Variants in PCDH15 observed in about 807,000 individuals in gnomAD.
PCDH15 encodes the protein protocadherin related 15.
A neutral mutation model predicts 178.5 loss-of-function variants in PCDH15; 129 were observed. That is an observed-to-expected ratio of 0.72 (90% CI 0.63 to 0.84). The LOEUF is 0.84. Ranked by LOEUF, PCDH15 falls within the 40% of genes least tolerant of loss-of-function variation. PCDH15 has a pLI of 0.00. For missense variants in PCDH15, 2,230 were observed against 2,099.9 expected (o/e 1.06, Z -1.21); for synonymous variants, 800 against 732.0 (o/e 1.09, Z -1.50).
intron 2 of PCDH15, among the ~76,000 whole-genome samples, chr10:54,952,117 C>T (rs571873766): frequency 1.4e-4 from 22 of 151,754 alleles, no homozygotes; most frequent in African/African-American, 5.3e-4. Flanking sequence ...ATTGTAAAAC[C>T]CATGGTCATC....
intron 21 of PCDH15, among the ~76,000 whole-genome samples, chr10:53,989,904 G>C (rs1355554932): frequency 6.6e-6 from 1 of 152,110 alleles, no homozygotes; most frequent in Non-Finnish European, 1.5e-5. Context: ...TATCTGGAAG[G>C]AAAAATACAA....
chr10:54,803,103 C>G (rs1952715675), upstream of PCDH15, among the ~76,000 whole-genome samples: 1 of 152,138 alleles, frequency 6.6e-6, no homozygotes, highest in African/African-American at 2.4e-5. Flanking sequence ...ATATTTACTA[C>G]TAGAGATGAT....
chr10:55,275,850 G>A (rs1268387561), intron 1 of PCDH15, among the ~76,000 whole-genome samples: 1 of 151,110 alleles, frequency 6.6e-6, no homozygotes, highest in Non-Finnish European at 1.5e-5. Context: ...ATCAATTTAA[G>A]GCAAGTTGAT....
At chr10:54,723,709 T>TAAAC (rs139874769) in intron 1 of PCDH15, among the ~76,000 whole-genome samples, 18,438 of 150,984 alleles carry the variant, frequency 0.12, 1,241 homozygotes, top group African/African-American at 0.17. Context: ...AGAAAAAAAA[T>TAAAC]AATTCCACTG....
chr10:55,204,383 C>T (rs1840337754), intron 1 of PCDH15, among the ~76,000 whole-genome samples: 1 of 151,148 alleles, frequency 6.6e-6, no homozygotes, highest in African/African-American at 2.4e-5. Context: ...TGTATATATA[C>T]ATATAATGCA....
chr10:55,230,429 T>C (rs906975712), intron 1 of PCDH15, among the ~76,000 whole-genome samples: 1 of 152,088 alleles, frequency 6.6e-6, no homozygotes, highest in Non-Finnish European at 1.5e-5. Context: ...TTAAGTAATA[T>C]TTACTCAGTG....
Position 55,626,492 on chromosome 10 carries a change from C to T in PCDH15, c.-156+1133G>A, listed in dbSNP as rs542370859. 5.9e-5 allele frequency among the ~76,000 whole-genome samples: 9 copies of T among 152,306 alleles called. No homozygotes were observed. The South Asian group carries it at 1.4e-3, about 25-fold the overall frequency. ...AATACTAACGGGTTCATTTATTTCA[C>T]TGATTACTGTATGTAGATATGAAAT... On this transcript the variant is annotated intron_variant, in intron 2 of 5. Transcript: ENST00000613346.
At chr10:54,752,551 T>A (rs893359337) in intron 1 of PCDH15, among the ~76,000 whole-genome samples, 1 of 150,572 alleles carries the variant, frequency 6.6e-6, no homozygotes, top group Admixed American at 6.6e-5. Context: ...ATAAAACAAT[T>A]TTCCTATATG....
rs368432733 is a variant in PCDH15 at position 54,570,234 on chromosome 10, C to T, written c.92-42357G>A. ...GGAAAGTGTCTGGCTATATACGTGACTTCCTGTGCTTTTTAATGGTTATTT... is the reference window on the plus strand; with the variant it reads ...GGAAAGTGTCTGGCTATATACGTGATTTCCTGTGCTTTTTAATGGTTATTT... On this transcript the variant is annotated intron_variant, in intron 2 of 37. Transcript: ENST00000644397. Among the ~76,000 whole-genome samples, 7 of 152,120 alleles carry T rather than the reference C, an allele frequency of 4.6e-5. No individual in the cohort carries two copies. The East Asian group carries it at 7.8e-4, about 17-fold the overall frequency.
chr10:54,819,351 A>G (rs1413838317), intron 3 of PCDH15, among the ~76,000 whole-genome samples: 1 of 152,058 alleles, frequency 6.6e-6, no homozygotes, highest in African/African-American at 2.4e-5. Flanking sequence ...ATATTTAATC[A>G]TTTTCAATTG....
chr10:54,371,936 A>G (rs963364396), intron 4 of PCDH15, among the ~76,000 whole-genome samples: 41 of 151,840 alleles, frequency 2.7e-4, no homozygotes, highest in African/African-American at 9.7e-4. Context: ...AAGACCCATC[A>G]CTGAAATATG....
intron 1 of PCDH15, among the ~76,000 whole-genome samples, chr10:55,233,815 C>G (rs1841297666): frequency 6.6e-6 from 1 of 151,960 alleles, no homozygotes; most frequent in South Asian, 2.1e-4. Flanking sequence ...TTATGAGAAA[C>G]AATATACTAT....
chr10:55,466,834 T>C (rs562436783), intron 2 of PCDH15, among the ~76,000 whole-genome samples: 1 of 152,310 alleles, frequency 6.6e-6, no homozygotes, highest in East Asian at 1.9e-4. Flanking sequence ...CGTCTCCCAC[T>C]ATGGGCAATC....
intron 2 of PCDH15, among the ~76,000 whole-genome samples, chr10:54,914,172 T>C (rs112334010): frequency 6.6e-6 from 1 of 152,196 alleles, no homozygotes; most frequent in Non-Finnish European, 1.5e-5. Flanking sequence ...AAATCTCATG[T>C]TGAATTTCAA....
At chr10:54,756,264 G>A (rs7899954) in intron 1 of PCDH15, among the ~76,000 whole-genome samples, 1 of 151,372 alleles carries the variant, frequency 6.6e-6, no homozygotes, top group East Asian at 1.9e-4. Flanking sequence ...AAATAAAAAA[G>A]TAAAAAATAA....
At chr10:54,421,870 C>CAATA (rs1554963695) in intron 3 of PCDH15, among the ~76,000 whole-genome samples, 1 of 64,628 alleles carries the variant, frequency 1.5e-5, no homozygotes, top group Non-Finnish European at 3.0e-5. Flanking sequence ...TATACACACA[C>CAATA]TATATATATA....
intron 2 of PCDH15, among the ~76,000 whole-genome samples, chr10:54,604,770 T>A (rs930131692): frequency 1.3e-5 from 2 of 152,056 alleles, no homozygotes; most frequent in Admixed American, 6.6e-5. Flanking sequence ...GGATTTACTA[T>A]TGAAATTTTA....
intron 2 of PCDH15, among the ~76,000 whole-genome samples, chr10:55,341,450 C>T (rs911202400): frequency 2.0e-5 from 3 of 151,782 alleles, no homozygotes; most frequent in African/African-American, 7.3e-5. Context: ...AGTATTTATT[C>T]AGTAATTGCC....
At chr10:54,703,184 A>T (rs1224347696) in intron 1 of PCDH15, among the ~76,000 whole-genome samples, 1 of 152,090 alleles carries the variant, frequency 6.6e-6, no homozygotes, top group African/African-American at 2.4e-5. Flanking sequence ...GCAGCCCTTG[A>T]GGTTAAAAAC....
Sources: gnomAD v4.1 joint callset for allele counts (sites outside exome capture counted in the v4.1 genomes callset) on GRCh38, gnomAD v4.1.1 for gene constraint, MANE v1.5 for transcripts, NCBI Gene and HGNC (gene_info 2026-07-23, HGNC 2026-07-21) for gene names.